The following SLC18A1 variants were observed in gnomAD, a reference collection of about 807,000 sequenced individuals.
The protein encoded by SLC18A1 is chromaffin granule amine transporter.
SLC18A1 carries 69 observed loss-of-function variants against 53.7 expected under a neutral mutation model. The ratio of observed to expected loss-of-function variants is 1.28; its 90% confidence interval spans 1.06 to 1.57. The LOEUF (loss-of-function observed/expected upper bound fraction) is 1.57, where lower values mean the gene tolerates loss of function less well. Ranked by LOEUF, SLC18A1 falls within the 40% of genes most tolerant of loss-of-function variation. The pLI is 0.00. For missense variants in SLC18A1, 932 were observed against 668.1 expected, an observed-to-expected ratio of 1.40 and a Z score of -4.35; for synonymous variants, 320 against 248.1, an observed-to-expected ratio of 1.29 and a Z score of -2.72.
chr8:20,153,463 G>T (rs1459562305), intron 10 of SLC18A1, among the ~76,000 whole-genome samples: 1 of 152,032 alleles, frequency 6.6e-6, no homozygotes. Flanking sequence ...GGATCACAAG[G>T]TCAGGAGATC....
intron 8 of SLC18A1, among the ~76,000 whole-genome samples, chr8:20,167,524 T>TGA (rs2071998770): frequency 6.6e-6 from 1 of 151,966 alleles, no homozygotes; most frequent in South Asian, 2.1e-4. Flanking sequence ...AGTACAAACT[T>TGA]GTGTGTGTGT....
In SLC18A1 at chr8:20,145,142, A is replaced by G. The variant is rs770435653; in HGVS notation, c.*621T>C. 3 of 152,088 alleles carry G rather than the reference A, an allele frequency of 2.0e-5. No homozygotes were observed. Among genetic ancestry groups the G allele is most frequent in the Non-Finnish European group, 2.9e-5 (2 of 68,018 alleles). The allele number at this position is 152,088 out of a possible 1,614,324, so 9.4% of individuals were successfully genotyped here. Reference sequence around the variant, plus strand: ...TTCTGAAAGATAATGAAAATAGAAGACACTTTTCACTGAGGGTAAAGCCCT... The same window carrying G: ...TTCTGAAAGATAATGAAAATAGAAGGCACTTTTCACTGAGGGTAAAGCCCT... On this transcript the variant is annotated 3_prime_UTR_variant, in exon 16 of 16. Coordinates refer to ENST00000276373, the MANE Select transcript of SLC18A1 (RefSeq NM_003053.4).
intron 6 of SLC18A1, 127 bp from the exon 7 acceptor site, chr8:20,171,621 G>A: frequency 7.1e-6 from 5 of 703,920 alleles, no homozygotes; most frequent in South Asian, 6.5e-5. Context: ...CTGAGGCTCT[G>A]GGAATTCAGA....
At position 20,174,399 on chromosome 8, in the gene SLC18A1, G is replaced by C; in HGVS notation, c.593C>G (p.Thr198Ser). The C allele has an allele frequency of 6.2e-7, 1 of 1,614,050 alleles. No homozygotes were observed. The highest frequency in any genetic ancestry group is 8.5e-7 in the Non-Finnish European group (1 of 1,179,950). ...GTYTLLFVAR[T>S]LQGIGSSFSS... Reference sequence around the variant, plus strand: ...AAATGAAGATCCAATGCCTTGAAGGGTTCGGGCCACAAAGAGTAGAGTATA... The same window carrying C: ...AAATGAAGATCCAATGCCTTGAAGGCTTCGGGCCACAAAGAGTAGAGTATA... The change falls in exon 5 of 16, where the codon ACC becomes AGC. Residue 198 changes from threonine (T) to serine (S), a missense_variant. Coordinates refer to ENST00000276373, the MANE Select transcript of SLC18A1 (RefSeq NM_003053.4).
chr8:20,150,109 C>CA (rs1295038083), intron 11 of SLC18A1, among the ~76,000 whole-genome samples: 2 of 152,138 alleles, frequency 1.3e-5, no homozygotes, highest in African/African-American at 4.8e-5. Flanking sequence ...AGGTCTGTCT[C>CA]AAAAAACACA....
At chr8:20,161,712 A>G (rs2071834464) in intron 10 of SLC18A1, among the ~76,000 whole-genome samples, 1 of 152,218 alleles carries the variant, frequency 6.6e-6, no homozygotes, top group African/African-American at 2.4e-5. Context: ...ACGAAAGTCC[A>G]AAGCCCAAAA....
Position 20,180,994 on chromosome 8 carries a change from C to T in SLC18A1, c.-30G>A, listed in dbSNP as rs1563778552. The T allele has an allele frequency of 1.9e-6, 3 of 1,552,328 alleles. No homozygotes were observed. Among genetic ancestry groups the T allele is most frequent in the Middle Eastern group, 1.7e-4 (1 of 5,974 alleles). ...ATGGCCGGACTGGGGCAGTCTTCCC[C>T]TGCGGGCTCTTAGGGAAGGTCCTGT... On this transcript the variant is annotated 5_prime_UTR_variant, in exon 2 of 16. Coordinates refer to ENST00000276373, the MANE Select transcript of SLC18A1 (RefSeq NM_003053.4).
intron 10 of SLC18A1, among the ~76,000 whole-genome samples, chr8:20,153,958 T>C (rs2071621895): frequency 6.6e-6 from 1 of 152,182 alleles, no homozygotes; most frequent in Non-Finnish European, 1.5e-5. Flanking sequence ...GTTTGGGTCA[T>C]GGGAATGAAT....
At chr8:20,153,427 C>A (rs1161422194) in intron 10 of SLC18A1, among the ~76,000 whole-genome samples, 1 of 152,118 alleles carries the variant, frequency 6.6e-6, no homozygotes, top group African/African-American at 2.4e-5. Flanking sequence ...CCTGTAATCC[C>A]AGCACTTTGG....
At chr8:20,173,669 A>C (rs1293266826) in intron 5 of SLC18A1, among the ~76,000 whole-genome samples, 4 of 152,174 alleles carry the variant, frequency 2.6e-5, no homozygotes, top group Non-Finnish European at 5.9e-5. Context: ...AGTACTTTGA[A>C]AACTGTGCTG....
At chr8:20,147,203 A>T in intron 15 of SLC18A1, 55 bp downstream of exon 15, 4 of 1,549,530 alleles carry the variant, frequency 2.6e-6, no homozygotes, top group Non-Finnish European at 3.5e-6. Flanking sequence ...GGAATGAGAG[A>T]GATGATGGAA....
intron 10 of SLC18A1, among the ~76,000 whole-genome samples, chr8:20,157,126 T>G (rs1245993398): frequency 6.6e-6 from 1 of 152,162 alleles, no homozygotes; most frequent in African/African-American, 2.4e-5. Context: ...ATTAGGACCA[T>G]AGAGGACACT....
At chr8:20,175,250 CAAG>C (rs2072226957) in intron 4 of SLC18A1, 4 of 152,100 alleles carry the variant, frequency 2.6e-5, no homozygotes, top group African/African-American at 9.7e-5. Context: ...ATTCTTTTTT[CAAG>C]GTTCTGAGAT....
At position 20,150,686 on chromosome 8, in the gene SLC18A1, C is replaced by A. The variant is rs765930923; in HGVS notation, c.1074G>T (p.Val358=). ...CATACCGACCCATCTTGTTGGCCAA[C>A]ACACCAAAGAGGTTGGTGCCAATGA... The part of the protein sequence containing the change: ...SYLIGTNLFG[V]LANKMGRWLC... Residue 358 remains valine, a synonymous_variant, in exon 11 of 16, where the codon GTG becomes GTT. Transcript: ENST00000276373. 3 of 1,614,174 alleles carry A rather than the reference C, an allele frequency of 1.9e-6. No homozygotes were observed. Among genetic ancestry groups the A allele is most frequent in the East Asian group, 4.5e-5 (2 of 44,876 alleles).
intron 6 of SLC18A1, among the ~76,000 whole-genome samples, 197 bp from the exon 7 acceptor site, chr8:20,171,691 TG>T (rs1404281319): frequency 7.3e-5 from 11 of 149,880 alleles, no homozygotes; most frequent in Admixed American, 6.6e-4. Context: ...AGTGTGTGTG[TG>T]TGTGTGTGTG....
intron 10 of SLC18A1, among the ~76,000 whole-genome samples, chr8:20,156,597 C>G (rs765002832): frequency 6.6e-6 from 1 of 152,188 alleles, no homozygotes; most frequent in Non-Finnish European, 1.5e-5. Context: ...TTGCATTCAG[C>G]CAAGCCTTAA....
At chr8:20,182,615 AG>A (rs1302314182) in intron 1 of SLC18A1, among the ~76,000 whole-genome samples, 1 of 152,256 alleles carries the variant, frequency 6.6e-6, no homozygotes, top group African/African-American at 2.4e-5. Flanking sequence ...GAAATTCAAT[AG>A]TCAGCCTCAG....
At chr8:20,172,759 C>G (rs114757524) in intron 6 of SLC18A1, among the ~76,000 whole-genome samples, 2,301 of 152,270 alleles carry the variant, frequency 0.015, 58 homozygotes, top group African/African-American at 0.052. Flanking sequence ...TGCTCTGGTG[C>G]TGTGTGCATG....
intron 10 of SLC18A1, among the ~76,000 whole-genome samples, chr8:20,154,240 G>A (rs1366105060): frequency 6.6e-6 from 1 of 152,310 alleles, no homozygotes; most frequent in Admixed American, 6.5e-5. Context: ...GATTAAATTG[G>A]TTAAGGTGAG....
Sources: allele counts gnomAD v4.1 joint callset (sites outside exome capture counted in the v4.1 genomes callset), GRCh38; gene constraint gnomAD v4.1.1; transcripts MANE v1.5; gene names NCBI Gene and HGNC (gene_info 2026-07-23, HGNC 2026-07-21).